Variants in ATXN2 observed in about 807,000 individuals in gnomAD.
ATXN2 encodes ataxin-2.
ATXN2 carries 37 observed loss-of-function variants against 138.6 expected under a neutral mutation model. The ratio of observed to expected loss-of-function variants is 0.27; its 90% CI spans 0.21 to 0.35. The LOEUF (loss-of-function observed/expected upper bound fraction) is 0.35, where lower values mean the gene tolerates loss of function less well. Among genes scored for constraint, ATXN2 ranks in the 10% least tolerant of loss-of-function variants. The probability of loss-of-function intolerance (pLI) is 1.00; values close to 1 mark genes in which losing one functional copy is unlikely to be tolerated. For missense variants in ATXN2, 1,216 were observed against 1,480.3 expected (o/e 0.82, Z 2.93); for synonymous variants, 549 against 543.7 (o/e 1.01, Z -0.13).
rs1350969579 is a variant in ATXN2 at position 111,509,871 on chromosome 12, A to C, written c.1864+20T>G. ...CTTCCTATTCCTACAGTTAAGCTTA[A>C]TGACTCTTTAAACTCTAACCTTTGT... On this transcript the variant is annotated intron_variant, in intron 13 of 24. Coordinates refer to ENST00000673436, the MANE Select transcript of ATXN2 (RefSeq NM_001372574.1). 3.9e-6 allele frequency: 6 copies of C among 1,542,090 alleles called. No individual in the cohort carries two copies. The highest frequency in any genetic ancestry group is 5.4e-6 in the Non-Finnish European group (6 of 1,117,090).
intron 3 of ATXN2, among the ~76,000 whole-genome samples, chr12:111,553,328 C>G (rs1882214507): frequency 6.6e-6 from 1 of 152,052 alleles, no homozygotes; most frequent in African/African-American, 2.4e-5. Flanking sequence ...TGGTAGGGGA[C>G]TGGTTCCAGG....
intron 10 of ATXN2, among the ~76,000 whole-genome samples, chr12:111,515,457 G>A (rs181477361): frequency 2.6e-4 from 39 of 152,216 alleles, no homozygotes; most frequent in Admixed American, 2.2e-3. Flanking sequence ...GCCAAATACT[G>A]AATAAGAATT....
At position 111,574,308 on chromosome 12, in the gene ATXN2, C is replaced by CAA. The variant is rs997437123; in HGVS notation, c.252-18391_252-18390dup. Among the ~76,000 whole-genome samples, 224 of 32,406 alleles carry CAA rather than the reference C, an allele frequency of 6.9e-3. 2 individuals are homozygous for CAA. In the East Asian group the frequency reaches 0.073, roughly 10 times the overall value. The allele number at this position is 32,406 out of a possible 152,430, so 21.3% of individuals were successfully genotyped here. A position where few individuals can be genotyped will look rare whatever the true frequency, so the allele number is the denominator to read the frequency against. ...GGGCGACAGAGCAAGACTCTGTCTC[C>CAA]AAAAAAAAAAAAAAAAAAAAAAAAA... On this transcript the variant is annotated intron_variant, in intron 1 of 24. Transcript: ENST00000673436.
At position 111,595,102 on chromosome 12, in the gene ATXN2, G is replaced by C. The variant is rs138498768; in HGVS notation, c.251+3682C>G. Among the ~76,000 whole-genome samples, 293 of 152,126 alleles carry C rather than the reference G, an allele frequency of 1.9e-3. 1 individual carries two copies. The highest frequency in any genetic ancestry group is 0.01 in the Middle Eastern group (3 of 294). ...CCCACAATATTTGACAAACTACAAA[G>C]AAACCATTCCATGGAAGAGCAACCT... On this transcript the variant is annotated intron_variant, in intron 1 of 24. Transcript: ENST00000673436.
chr12:111,524,394 G>A (rs1236909798), intron 6 of ATXN2, among the ~76,000 whole-genome samples: 1 of 152,014 alleles, frequency 6.6e-6, no homozygotes, highest in Non-Finnish European at 1.5e-5. Flanking sequence ...ACTCATTTTT[G>A]GCAAGACACT....
intron 14 of ATXN2, among the ~76,000 whole-genome samples, chr12:111,498,125 G>A (rs1050412767): frequency 2.6e-5 from 4 of 152,076 alleles, no homozygotes; most frequent in African/African-American, 9.7e-5. Flanking sequence ...ACTGAAAAGG[G>A]AAAAACTGAA....
chr12:111,587,985 T>G (rs1884430470), intron 1 of ATXN2, among the ~76,000 whole-genome samples: 1 of 151,810 alleles, frequency 6.6e-6, no homozygotes, highest in African/African-American at 2.4e-5. Context: ...CTCGAGGCCA[T>G]GAGTTCAAGA....
chr12:111,536,011 A>AAAC lies in ATXN2; in HGVS notation c.572-10696_572-10695insGTT, dbSNP rs1416754831. 4.4e-3 allele frequency among the ~76,000 whole-genome samples: 664 copies of AAAC among 152,072 alleles called. 10 individuals are homozygous for AAAC. The highest frequency in any genetic ancestry group is 0.015 in the African/African-American group (608 of 41,412). ...CGAGACTCCGTCTCAAAAAAAAAAAAAAAAACATTGGGAAATAATGAGAGA... is the reference window on the plus strand; with the variant it reads ...CGAGACTCCGTCTCAAAAAAAAAAAAAACAAAAACATTGGGAAATAATGAGAGA... On this transcript the variant is annotated intron_variant, in intron 5 of 24. Coordinates refer to ENST00000673436, the MANE Select transcript of ATXN2 (RefSeq NM_001372574.1).
At chr12:111,474,584 C>T (rs1195050346) in intron 18 of ATXN2, among the ~76,000 whole-genome samples, 1 of 151,640 alleles carries the variant, frequency 6.6e-6, no homozygotes, top group East Asian at 1.9e-4. Context: ...CAAGCCTGGG[C>T]AACAAAGCCA....
At position 111,598,248 on chromosome 12, in the gene ATXN2, T is replaced by A; in HGVS notation, c.251+536A>T. 1.9e-6 allele frequency: 2 copies of A among 1,033,672 alleles called. No homozygotes were observed. The highest frequency in any genetic ancestry group is 1.7e-5 in the African/African-American group (1 of 58,348). 64.0% of individuals were successfully genotyped at this position (1,033,672 alleles called of 1,614,324 possible). A position where few individuals can be genotyped will look rare whatever the true frequency, so the allele number is the denominator to read the frequency against. ...GGGAGAGAGCCCCGACAGACCCTGA[T>A]GATTCCGGAGGAGCCCGGTGCCTAC... On this transcript the variant is annotated intron_variant, in intron 1 of 24. Transcript: ENST00000673436. This position sits in a 1 kb window ranked among gnomAD's most constrained non-coding sequence, Gnocchi z 4.5.
At chr12:111,487,470 T>C (rs1236205596) in intron 15 of ATXN2, among the ~76,000 whole-genome samples, 2 of 152,002 alleles carry the variant, frequency 1.3e-5, no homozygotes, top group African/African-American at 4.8e-5. Flanking sequence ...TATTTATTTA[T>C]TTATTTTTGA....
intron 21 of ATXN2, chr12:111,457,784 T>G (rs1413118383): frequency 6.3e-6 from 1 of 159,300 alleles, no homozygotes; most frequent in Admixed American, 6.0e-5. Context: ...ATATTGGGTG[T>G]GGTGGGGGAT....
At chr12:111,538,389 CT>C (rs11421677) in intron 5 of ATXN2, among the ~76,000 whole-genome samples, 133 of 146,800 alleles carry the variant, frequency 9.1e-4, no homozygotes, top group African/African-American at 1.6e-3. Context: ...AATTAGTAAC[CT>C]TTTTTTTTTT....
upstream of ATXN2, chr12:111,599,560 A>G (rs1473230581): frequency 4.3e-6 from 5 of 1,166,216 alleles, no homozygotes; most frequent in East Asian, 7.8e-5. Flanking sequence ...GGAGGTGCGG[A>G]TAGGGACTCT....
At chr12:111,479,870 A>C (rs1877097363) in intron 18 of ATXN2, among the ~76,000 whole-genome samples, 1 of 151,288 alleles carries the variant, frequency 6.6e-6, no homozygotes, top group Non-Finnish European at 1.5e-5. Context: ...AAAAAAAAAA[A>C]ATCTAGGGGC....
chr12:111,546,033 G>A (rs371523949), intron 5 of ATXN2, among the ~76,000 whole-genome samples: 7 of 151,404 alleles, frequency 4.6e-5, no homozygotes, highest in Middle Eastern at 3.5e-3. Context: ...GTGGTTAGTT[G>A]ATGGAGATCT....
intron 1 of ATXN2, chr12:111,597,886 G>A (rs1271330889): frequency 4.7e-6 from 6 of 1,288,194 alleles, no homozygotes; most frequent in Non-Finnish European, 5.1e-6. Context: ...CGGATCTCCA[G>A]GGTCCAGCCT....
chr12:111,530,161 T>G (rs1230216251), intron 5 of ATXN2, among the ~76,000 whole-genome samples: 1 of 152,210 alleles, frequency 6.6e-6, no homozygotes, highest in African/African-American at 2.4e-5. Flanking sequence ...GTATATAGAT[T>G]GGTATCAGTG....
intron 1 of ATXN2, among the ~76,000 whole-genome samples, chr12:111,570,029 A>C (rs1022506650): frequency 1.3e-5 from 2 of 152,204 alleles, no homozygotes; most frequent in African/African-American, 4.8e-5. Context: ...AGGAACTGAA[A>C]TATTTAAATT....
Sources: gnomAD v4.1 joint callset for allele counts (sites outside exome capture counted in the v4.1 genomes callset) on GRCh38, gnomAD v4.1.1 for gene constraint, Gnocchi (gnomAD v3.1) non-coding constraint, MANE v1.5 for transcripts, NCBI Gene and HGNC (gene_info 2026-07-23, HGNC 2026-07-21) for gene names.